The following VSTM2A variants were observed in gnomAD, a reference collection of about 807,000 sequenced individuals.
VSTM2A encodes V-set and transmembrane domain containing 2A.
A neutral mutation model predicts 27.3 loss-of-function variants in VSTM2A; 13 were observed. The ratio of observed to expected loss-of-function variants is 0.48; its 90% CI spans 0.31 to 0.76. VSTM2A has a LOEUF of 0.76. Among genes scored for constraint, VSTM2A ranks in the 30% least tolerant of loss-of-function variants. The pLI is 0.05. For missense variants in VSTM2A, 280 were observed against 310.0 expected (o/e 0.90, Z 0.73); for synonymous variants, 142 against 125.7 (o/e 1.13, Z -0.87).
Position 54,570,874 on chromosome 7 carries a change from T to C in VSTM2A, c.*1655T>C, listed in dbSNP as rs1218046260. On this transcript the variant is annotated 3_prime_UTR_variant, in exon 5 of 5. Coordinates refer to ENST00000402613, the MANE Select transcript of VSTM2A (RefSeq NM_001301009.2). The stretch of plus-strand genomic sequence containing the variant: ...TAACCCGAAGCTTGAAGGCAATCAG[T>C]ACCTCTGCTTTTCAAAGGTAAATGC... The C allele has an allele frequency of 6.6e-6, 1 of 152,194 alleles. No individual in the cohort carries two copies. The allele number at this position is 152,194 out of a possible 1,614,324, so 9.4% of individuals were successfully genotyped here.
intron 4 of VSTM2A, chr7:54,558,665 G>A (rs1788451502): frequency 6.6e-6 from 1 of 151,898 alleles, no homozygotes; most frequent in African/African-American, 2.4e-5. Flanking sequence ...ATAAAAACAA[G>A]CCTGGAAAGC....
In VSTM2A at chr7:54,546,898, T is replaced by G. The variant is rs772071225; in HGVS notation, c.247-49T>G. On this transcript the variant is annotated intron_variant, in intron 2 of 4. Coordinates refer to ENST00000402613, the MANE Select transcript of VSTM2A (RefSeq NM_001301009.2). ...AAGGCTATGCTCGCGTGGGAGCGGG[T>G]GGTCGGGCGGGCCTGGCGCGGGACT... 3.0e-5 allele frequency: 47 copies of G among 1,590,082 alleles called. 1 individual carries two copies. Among genetic ancestry groups the G allele is most frequent in the East Asian group, 1.9e-4 (8 of 42,710 alleles).
At chr7:54,544,027 A>G (rs1269915066) in intron 1 of VSTM2A, among the ~76,000 whole-genome samples, 1 of 152,350 alleles carries the variant, frequency 6.6e-6, no homozygotes, top group East Asian at 1.9e-4. Context: ...AAATACAGTG[A>G]CTTGATGGGA....
intron 1 of VSTM2A, 39 bp from the exon 2 acceptor site, chr7:54,544,583 G>A: frequency 6.2e-7 from 1 of 1,612,032 alleles, no homozygotes; most frequent in South Asian, 1.1e-5. Context: ...AGGCAAGAGG[G>A]GTGTGGATAT....
chr7:54,544,043 T>C (rs1318520635), intron 1 of VSTM2A, among the ~76,000 whole-genome samples: 1 of 152,204 alleles, frequency 6.6e-6, no homozygotes, highest in Admixed American at 6.5e-5. Flanking sequence ...TGGGAACAAA[T>C]AAAGGTTAAT....
chr7:54,556,581 A>G, intron 4 of VSTM2A, among the ~76,000 whole-genome samples: 1 of 152,228 alleles, frequency 6.6e-6, no homozygotes, highest in East Asian at 1.9e-4. Flanking sequence ...TTGGCTGCTT[A>G]CACAGGTTAA....
intron 4 of VSTM2A, 44 bp downstream of exon 4, chr7:54,550,214 C>G: frequency 6.4e-7 from 1 of 1,557,226 alleles, no homozygotes; most frequent in South Asian, 1.2e-5. Context: ...CACTCACAAA[C>G]GCTCCACAGA....
intron 4 of VSTM2A, chr7:54,554,126 G>A: frequency 2.6e-6 from 4 of 1,544,764 alleles, no homozygotes; most frequent in Non-Finnish European, 3.5e-6. Flanking sequence ...AGTCACTGGT[G>A]TCTCCTGCTT....
intron 2 of VSTM2A, among the ~76,000 whole-genome samples, chr7:54,545,737 G>A (rs1043626027): frequency 8.4e-6 from 1 of 119,356 alleles, no homozygotes. Flanking sequence ...AAAAGGGAGA[G>A]AGGGAAGGGA....
intron 4 of VSTM2A, among the ~76,000 whole-genome samples, chr7:54,557,629 C>T (rs535437011): frequency 1.8e-4 from 28 of 152,180 alleles, no homozygotes; most frequent in Admixed American, 3.3e-4. Context: ...CCACTGTCCC[C>T]GGCCTGTTTC....
rs1382462401 is a variant in VSTM2A at position 54,569,892 on chromosome 7, A to T, written c.*673A>T. ...TCAAAGTAGATGTACTGCGACCCTC[A>T]TGCAAGCTGATTTTTATCATTATAT... On this transcript the variant is annotated 3_prime_UTR_variant, in exon 5 of 5. Coordinates refer to ENST00000402613, the MANE Select transcript of VSTM2A (RefSeq NM_001301009.2). The T allele has an allele frequency of 6.6e-6, 1 of 152,126 alleles. No homozygotes were observed. The highest frequency in any genetic ancestry group is 1.5e-5 in the Non-Finnish European group (1 of 68,030). The allele number at this position is 152,126 out of a possible 1,614,324, so 9.4% of individuals were successfully genotyped here. A position where few individuals can be genotyped will look rare whatever the true frequency, so the allele number is the denominator to read the frequency against.
At chr7:54,563,175 A>G (rs1365000381) in intron 4 of VSTM2A, among the ~76,000 whole-genome samples, 3 of 152,206 alleles carry the variant, frequency 2.0e-5, no homozygotes, top group Non-Finnish European at 2.9e-5. Context: ...TTAGGAAAGT[A>G]TAAAGTTTTC....
intron 4 of VSTM2A, among the ~76,000 whole-genome samples, chr7:54,563,015 T>A (rs73408521): frequency 1.6e-4 from 25 of 152,332 alleles, no homozygotes; most frequent in African/African-American, 6.0e-4. Context: ...AAAGCATTCT[T>A]ATTTATGCAT....
rs186545689 is a variant in VSTM2A, at chr7:54,551,834, T to C, written c.634+1664T>C. ...AATCATGGAAGTGAAATTATTATTA[T>C]CCTACATAGACTGTTCCAAGTTAGA... On this transcript the variant is annotated intron_variant, in intron 4 of 4. Transcript: ENST00000402613. The C allele has an allele frequency of 4.7e-3, 717 of 152,316 alleles. 9 individuals carry two copies. Among genetic ancestry groups the C allele is most frequent in the African/African-American group, 0.016 (678 of 41,578 alleles). The allele number at this position is 152,316 out of a possible 1,614,324, so 9.4% of individuals were successfully genotyped here. A position where few individuals can be genotyped will look rare whatever the true frequency, so the allele number is the denominator to read the frequency against.
Position 54,544,604 on chromosome 7 carries a change from T to A in VSTM2A, c.80-18T>A. 1 of 1,612,740 alleles carries A rather than the reference T, an allele frequency of 6.2e-7. No individual in the cohort carries two copies. The highest frequency in any genetic ancestry group is 1.1e-5 in the South Asian group (1 of 91,078). ...GAGGGGTGTGGATATTCCAACAGGA[T>A]GCCTTTCTGTTTTGCAGCAAAATTT... On this transcript the variant is annotated intron_variant, in intron 1 of 4. Transcript: ENST00000402613.
intron 1 of VSTM2A, among the ~76,000 whole-genome samples, chr7:54,543,600 G>C (rs962033273): frequency 3.9e-5 from 6 of 151,960 alleles, no homozygotes; most frequent in African/African-American, 1.2e-4. Context: ...TTTAAACCGG[G>C]GGTGAGGTGA....
At chr7:54,550,275 C>A in intron 4 of VSTM2A, 105 bp downstream of exon 4, 1 of 1,514,238 alleles carries the variant, frequency 6.6e-7, no homozygotes. Context: ...TTTTTAAAAT[C>A]GGAGACCTAG....
chr7:54,560,283 T>C (rs1200421640), intron 4 of VSTM2A, among the ~76,000 whole-genome samples: 2 of 152,168 alleles, frequency 1.3e-5, no homozygotes, highest in East Asian at 3.8e-4. Context: ...AAATTGCTAG[T>C]AGCATTGAAA....
chr7:54,543,036 C>G lies in VSTM2A; in HGVS notation c.79+227C>G, dbSNP rs369183549. On this transcript the variant is annotated intron_variant, in intron 1 of 4. Transcript: ENST00000402613. ...GTGCCTGACAATGAGGTGGGCTCCT[C>G]GGTGAGCACAAACACAGGGTCGTGT... is the stretch of plus-strand genomic sequence containing the variant. Among the ~76,000 whole-genome samples, 8 of 152,104 alleles carry G rather than the reference C, an allele frequency of 5.3e-5. No individual in the cohort carries two copies. The East Asian group carries it at 7.8e-4, about 15-fold the overall frequency.
Sources: gnomAD v4.1 joint callset for allele counts (sites outside exome capture counted in the v4.1 genomes callset) on GRCh38, gnomAD v4.1.1 for gene constraint, MANE v1.5 for transcripts, NCBI Gene and HGNC (gene_info 2026-07-23, HGNC 2026-07-21) for gene names.